The following CXXC5 variants were observed in gnomAD, a reference collection of about 807,000 sequenced individuals.
CXXC5 encodes CXXC finger protein 5.
In CXXC5, 2 loss-of-function variants were observed where a neutral mutation model predicts 17.6. The ratio of observed to expected loss-of-function variants is 0.11; its 90% CI spans 0.05 to 0.36. The LOEUF (loss-of-function observed/expected upper bound fraction) is 0.36, where lower values mean the gene tolerates loss of function less well. Ranked by LOEUF, CXXC5 falls within the 10% of genes least tolerant of loss-of-function variation. CXXC5 has a pLI of 1.00. For missense variants in CXXC5, 343 were observed against 458.3 expected (o/e 0.75, Z 2.30); for synonymous variants, 171 against 193.0 (o/e 0.89, Z 0.94).
At chr5:139,660,032 C>T (rs939860311) in intron 1 of CXXC5, among the ~76,000 whole-genome samples, 6 of 152,218 alleles carry the variant, frequency 3.9e-5, no homozygotes, top group Admixed American at 2.0e-4. Flanking sequence ...GGGAAGCAGC[C>T]GGGTGGGCAG....
intron 1 of CXXC5, among the ~76,000 whole-genome samples, chr5:139,655,729 A>G (rs6869463): frequency 0.012 from 1,706 of 140,140 alleles, 16 homozygotes; most frequent in South Asian, 0.036. Context: ...CCACCCCCCA[A>G]CCACTGTCCA....
chr5:139,659,404 C>A (rs1755658231), intron 1 of CXXC5, among the ~76,000 whole-genome samples: 3 of 152,200 alleles, frequency 2.0e-5, no homozygotes. Context: ...GGCCCCCAGC[C>A]AGTCCAAGTG....
At chr5:139,655,187 C>A (rs1204256081) in intron 1 of CXXC5, among the ~76,000 whole-genome samples, 1 of 152,122 alleles carries the variant, frequency 6.6e-6, no homozygotes, top group Non-Finnish European at 1.5e-5. Flanking sequence ...TCCCCGAGGC[C>A]CATCCCACCC....
chr5:139,667,185 G>C (rs1261513712), intron 1 of CXXC5, among the ~76,000 whole-genome samples: 1 of 152,152 alleles, frequency 6.6e-6, no homozygotes, highest in Non-Finnish European at 1.5e-5. Flanking sequence ...GTTTAAGTGG[G>C]TCACACCCAC....
chr5:139,657,560 G>GGA (rs1309634244), intron 1 of CXXC5, among the ~76,000 whole-genome samples: 28 of 152,204 alleles, frequency 1.8e-4, no homozygotes, highest in African/African-American at 6.8e-4. Flanking sequence ...GCTGGCAGGT[G>GGA]GAGACCTACT....
chr5:139,678,305 C>T lies in CXXC5; in HGVS notation c.-160-2059C>T, dbSNP rs535156924. Among the ~76,000 whole-genome samples, 27 of 152,314 alleles carry T rather than the reference C, an allele frequency of 1.8e-4. No homozygotes were observed. The East Asian group carries it at 4.8e-3, about 27-fold the overall frequency. On this transcript the variant is annotated intron_variant, in intron 1 of 2. Coordinates refer to ENST00000302517, the MANE Select transcript of CXXC5 (RefSeq NM_016463.9). Reference sequence around the variant, plus strand: ...CTGAAAAGACCATCCTGGTCTTGGCCGTTATGAGGTGGGAGGGAACACAGC... The same window carrying T: ...CTGAAAAGACCATCCTGGTCTTGGCTGTTATGAGGTGGGAGGGAACACAGC...
intron 1 of CXXC5, among the ~76,000 whole-genome samples, chr5:139,664,326 G>A (rs1306711443): frequency 6.6e-6 from 1 of 151,976 alleles, no homozygotes; most frequent in Admixed American, 6.6e-5. Flanking sequence ...TCAGGGTTGC[G>A]CACCTCCTCC....
chr5:139,671,509 G>A (rs1756467960), intron 1 of CXXC5, among the ~76,000 whole-genome samples: 1 of 152,234 alleles, frequency 6.6e-6, no homozygotes, highest in African/African-American at 2.4e-5. Context: ...CCAGCCGCGG[G>A]TGGCGGGTTG....
Position 139,672,099 on chromosome 5 carries a change from T to A in CXXC5, c.-160-8265T>A, listed in dbSNP as rs146452678. Among the ~76,000 whole-genome samples the A allele has an allele frequency of 6.1e-3, 927 of 152,294 alleles. 6 individuals carry two copies. The highest frequency in any genetic ancestry group is 0.027 in the Middle Eastern group (8 of 294). Reference sequence around the variant, plus strand: ...TTATTAGGACCTGCTGTTTATTTTTTTTTATTTATTTGTTTGTTTGTTTAT... The same window carrying A: ...TTATTAGGACCTGCTGTTTATTTTTATTTATTTATTTGTTTGTTTGTTTAT... On this transcript the variant is annotated intron_variant, in intron 1 of 2. Coordinates refer to ENST00000302517, the MANE Select transcript of CXXC5 (RefSeq NM_016463.9).
chr5:139,672,589 C>T (rs111856317), intron 1 of CXXC5, among the ~76,000 whole-genome samples: 3 of 152,262 alleles, frequency 2.0e-5, no homozygotes, highest in South Asian at 2.1e-4. Flanking sequence ...TGACTGATCT[C>T]GGCCTCTGGG....
At position 139,668,048 on chromosome 5, in the gene CXXC5, C is replaced by CTG. The variant is rs1236105595; in HGVS notation, c.-160-12316_-160-12315insTG. ...GTCCCACCTGCCCGAGGCCTCCCAGCCCCTCTCATCCCTTCCTGGGCTGGG... is the reference window on the plus strand; with the variant it reads ...GTCCCACCTGCCCGAGGCCTCCCAGCTGCCCTCTCATCCCTTCCTGGGCTGGG... On this transcript the variant is annotated intron_variant, in intron 1 of 2. Coordinates refer to ENST00000302517, the MANE Select transcript of CXXC5 (RefSeq NM_016463.9). The surrounding 1 kb of genome is among the most constrained non-coding windows in gnomAD (Gnocchi z 4.1). Among the ~76,000 whole-genome samples the CTG allele has an allele frequency of 3.3e-5, 5 of 152,024 alleles. No individual in the cohort carries two copies. The highest frequency in any genetic ancestry group is 4.4e-5 in the Non-Finnish European group (3 of 67,966).
intron 1 of CXXC5, among the ~76,000 whole-genome samples, chr5:139,671,483 A>G (rs1235807206): frequency 6.6e-6 from 1 of 152,194 alleles, no homozygotes; most frequent in African/African-American, 2.4e-5. Context: ...CCCCCCAGGA[A>G]ACTCAAAACC....
At chr5:139,662,507 TTTGGA>T (rs1430407133) in intron 1 of CXXC5, among the ~76,000 whole-genome samples, 1 of 152,182 alleles carries the variant, frequency 6.6e-6, no homozygotes, top group Non-Finnish European at 1.5e-5. Context: ...CATGAAGGGC[TTTGGA>T]TGCAATCTCC....
chr5:139,651,532 T>G (rs1055462545), intron 1 of CXXC5, among the ~76,000 whole-genome samples: 3 of 152,154 alleles, frequency 2.0e-5, no homozygotes, highest in African/African-American at 7.2e-5. Flanking sequence ...CTCCTACTCA[T>G]TTGGCACATG....
chr5:139,677,192 A>G (rs1756891948), intron 1 of CXXC5, among the ~76,000 whole-genome samples: 1 of 151,886 alleles, frequency 6.6e-6, no homozygotes, highest in South Asian at 2.1e-4. Context: ...TGTTCCTGGC[A>G]GGGCCGATGA....
At chr5:139,676,976 G>A (rs532358774) in intron 1 of CXXC5, among the ~76,000 whole-genome samples, 8 of 118,680 alleles carry the variant, frequency 6.7e-5, no homozygotes, top group South Asian at 2.7e-4. Context: ...TCCATGACTC[G>A]TCCCCCCTCA....
chr5:139,652,143 C>T (rs556254233), intron 1 of CXXC5, among the ~76,000 whole-genome samples: 2 of 102,710 alleles, frequency 1.9e-5, no homozygotes, highest in African/African-American at 8.9e-5. Flanking sequence ...CCATCCTAGC[C>T]GCCGGCGCGC....
Position 139,661,914 on chromosome 5 carries a change from C to T in CXXC5, c.-161+13069C>T, listed in dbSNP as rs1450967147. Among the ~76,000 whole-genome samples, 2 of 152,240 alleles carry T rather than the reference C, an allele frequency of 1.3e-5. No homozygotes were observed. The highest frequency in any genetic ancestry group is 2.4e-5 in the African/African-American group (1 of 41,464). On this transcript the variant is annotated intron_variant, in intron 1 of 2. Coordinates refer to ENST00000302517, the MANE Select transcript of CXXC5 (RefSeq NM_016463.9). The surrounding 1 kb of genome is among the most constrained non-coding windows in gnomAD (Gnocchi z 4.7). ...ATGAGAGTGTTAAACCCACTGCCCT[C>T]TAGTACGGGGCCTCTGGCCCAGGCA...
chr5:139,650,266 T>A (rs1386081662), intron 1 of CXXC5, among the ~76,000 whole-genome samples: 1 of 152,084 alleles, frequency 6.6e-6, no homozygotes, highest in East Asian at 1.9e-4. Context: ...CCCCCTGGAC[T>A]TTGGGTGGTC....
Sources: allele counts gnomAD v4.1 joint callset (sites outside exome capture counted in the v4.1 genomes callset), GRCh38; gene constraint gnomAD v4.1.1; non-coding constraint Gnocchi (gnomAD v3.1); transcripts MANE v1.5; gene names NCBI Gene and HGNC (gene_info 2026-07-23, HGNC 2026-07-21).